Variants in SSBP3 observed in about 807,000 individuals in gnomAD.
SSBP3 encodes single stranded DNA binding protein 3.
SSBP3 carries 5 observed loss-of-function variants against 69.6 expected under a neutral mutation model. The observed-to-expected ratio is 0.07, with a 90% CI of 0.04 to 0.15. The LOEUF (loss-of-function observed/expected upper bound fraction) is 0.15. SSBP3 is among the 10% of genes least tolerant of loss of function. The pLI, the probability that SSBP3 is intolerant of heterozygous loss-of-function variation, is 1.00. For synonymous variants in SSBP3, 196 were observed against 193.4 expected, an observed-to-expected ratio of 1.01 and a Z score of -0.11; for missense variants, 312 against 534.0, an observed-to-expected ratio of 0.58 and a Z score of 4.10.
intron 4 of SSBP3, among the ~76,000 whole-genome samples, chr1:54,400,590 T>C (rs529762978): frequency 6.6e-6 from 1 of 152,340 alleles, no homozygotes; most frequent in South Asian, 2.1e-4. Context: ...CATCAGCTTC[T>C]CTTTTTCAGC....
intron 5 of SSBP3, among the ~76,000 whole-genome samples, chr1:54,263,805 G>A (rs535740593): frequency 8.3e-4 from 126 of 152,282 alleles, no homozygotes; most frequent in African/African-American, 3.0e-3. Context: ...GGCAGCAGGC[G>A]ACCACACTGC....
chr1:54,361,837 T>A (rs765116970), intron 4 of SSBP3, among the ~76,000 whole-genome samples: 1 of 152,148 alleles, frequency 6.6e-6, no homozygotes, highest in Non-Finnish European at 1.5e-5. Flanking sequence ...GGATTCTCAT[T>A]TAATGGCAAA....
chr1:54,251,595 G>A (rs369265213), intron 9 of SSBP3, 21 bp downstream of exon 9: 17 of 1,550,614 alleles, frequency 1.1e-5, no homozygotes, highest in African/African-American at 2.7e-5. Flanking sequence ...GGAGACGGAC[G>A]GACAGACAGG....
At chr1:54,240,848 G>A (rs1644622854) in intron 13 of SSBP3, 57 bp downstream of exon 13, 1 of 1,609,064 alleles carries the variant, frequency 6.2e-7, no homozygotes, top group Non-Finnish European at 8.5e-7. Flanking sequence ...GGTCTCTCTG[G>A]CAACATGCCC....
intron 5 of SSBP3, among the ~76,000 whole-genome samples, chr1:54,262,512 C>T (rs565025427): frequency 2.1e-4 from 32 of 152,328 alleles, no homozygotes; most frequent in Non-Finnish European, 4.3e-4. Flanking sequence ...CAGCCAGCCC[C>T]ATGCTGGGGT....
chr1:54,241,419 T>C, intron 12 of SSBP3, 55 bp downstream of exon 12: 4 of 1,596,962 alleles, frequency 2.5e-6, no homozygotes, highest in Non-Finnish European at 2.6e-6. Context: ...CCAGTTCTCT[T>C]GCACACTCAG....
chr1:54,350,920 G>A (rs747858153), intron 4 of SSBP3, among the ~76,000 whole-genome samples: 1 of 152,002 alleles, frequency 6.6e-6, no homozygotes, highest in Non-Finnish European at 1.5e-5. Context: ...CAACCTCCTG[G>A]ACTCAGCAAT....
chr1:54,363,892 G>A (rs963916958), intron 4 of SSBP3, among the ~76,000 whole-genome samples: 1 of 152,170 alleles, frequency 6.6e-6, no homozygotes, highest in African/African-American at 2.4e-5. Context: ...TGGCTCCCTA[G>A]AGAGGCCTGG....
chr1:54,231,084 A>G (rs1360537515), intron 14 of SSBP3, among the ~76,000 whole-genome samples: 2 of 152,224 alleles, frequency 1.3e-5, no homozygotes, highest in Admixed American at 1.3e-4. Flanking sequence ...CACAGCAGAC[A>G]TCACTAGGCT....
chr1:54,341,803 C>T (rs570141484), intron 4 of SSBP3, among the ~76,000 whole-genome samples: 116 of 151,740 alleles, frequency 7.6e-4, no homozygotes, highest in Middle Eastern at 7.0e-3. Context: ...TAGGAAGTAC[C>T]CTGTAGGCTG....
rs561667747 is a variant in SSBP3, at chr1:54,392,147, C to T, written c.276+9714G>A. Reference sequence around the variant, plus strand: ...TTTCTGTGTGTTCAATGCACTAAGACTATGGCAGCAAACCACAGAGACAAC... The same window carrying T: ...TTTCTGTGTGTTCAATGCACTAAGATTATGGCAGCAAACCACAGAGACAAC... On this transcript the variant is annotated intron_variant, in intron 4 of 17. Coordinates refer to ENST00000610401, the Ensembl canonical transcript of SSBP3. 3.9e-5 allele frequency among the ~76,000 whole-genome samples: 6 copies of T among 152,366 alleles called. No homozygotes were observed. The South Asian group carries it at 1.2e-3, about 32-fold the overall frequency.
exon 1 of SSBP3, chr1:54,406,292 C>G (rs1415078433): frequency 7.4e-6 from 2 of 269,898 alleles, no homozygotes; most frequent in Non-Finnish European, 1.4e-5. Context: ...CCCGCACGGC[C>G]GCCCGCTCTC....
At chr1:54,293,814 T>C (rs931717351) in intron 4 of SSBP3, among the ~76,000 whole-genome samples, 2 of 152,224 alleles carry the variant, frequency 1.3e-5, no homozygotes, top group Non-Finnish European at 2.9e-5. Context: ...TCAGTAAATA[T>C]TTTTTGGATA....
upstream of SSBP3, among the ~76,000 whole-genome samples, chr1:54,408,297 C>G (rs1649904996): frequency 6.6e-6 from 1 of 152,152 alleles, no homozygotes; most frequent in African/African-American, 2.4e-5. Context: ...GAAATAATTA[C>G]AGTTATTTTT....
intron 4 of SSBP3, among the ~76,000 whole-genome samples, chr1:54,369,588 C>T (rs1233068137): frequency 6.6e-6 from 1 of 152,154 alleles, no homozygotes; most frequent in Non-Finnish European, 1.5e-5. Flanking sequence ...GTGAAGAAGT[C>T]CTGCAGTCGT....
At position 54,227,082 on chromosome 1, in the gene SSBP3, T is replaced by C. The variant is rs372110874; in HGVS notation, c.*49A>G. 1.0e-5 allele frequency: 16 copies of C among 1,529,024 alleles called. No homozygotes were observed. In the African/African-American group the frequency reaches 1.9e-4, roughly 19 times the overall value. The allele number at this position is 1,529,024 out of a possible 1,614,324, so 94.7% of individuals were successfully genotyped here. ...CTCACTTCTTGCATAATTTCTGGCA[T>C]CTTCCCGCCTGCAATGCCTGCTCTC... On this transcript the variant is annotated 3_prime_UTR_variant, in exon 18 of 18. Coordinates refer to ENST00000610401, the Ensembl canonical transcript of SSBP3.
At chr1:54,300,605 G>A (rs770303001) in intron 4 of SSBP3, among the ~76,000 whole-genome samples, 9 of 152,222 alleles carry the variant, frequency 5.9e-5, no homozygotes, top group Non-Finnish European at 1.2e-4. Flanking sequence ...GCCGGAGGGT[G>A]GGGCTTCACA....
At chr1:54,305,593 G>T (rs1645884589) in intron 4 of SSBP3, among the ~76,000 whole-genome samples, 1 of 149,574 alleles carries the variant, frequency 6.7e-6, no homozygotes, top group Non-Finnish European at 1.5e-5. Context: ...CTTGAGTTTG[G>T]ATGCCATCAT....
Position 54,241,520 on chromosome 1 carries a change from G to T in SSBP3, c.766-11C>A. 1 of 1,613,870 alleles carries T rather than the reference G, an allele frequency of 6.2e-7. No individual in the cohort carries two copies. The highest frequency in any genetic ancestry group is 8.5e-7 in the Non-Finnish European group (1 of 1,179,942). On this transcript the variant is annotated splice_polypyrimidine_tract_variant and intron_variant, in intron 11 of 17. Transcript: ENST00000610401. ...GGAGGAGTATGGAATCTAAAAACAAGATGTCAGGGAGCCCCACGTCAGAGT... is the reference window on the plus strand; with the variant it reads ...GGAGGAGTATGGAATCTAAAAACAATATGTCAGGGAGCCCCACGTCAGAGT...
Sources: gnomAD v4.1 joint callset for allele counts (sites outside exome capture counted in the v4.1 genomes callset) on GRCh38, gnomAD v4.1.1 for gene constraint, MANE v1.5 for transcripts, NCBI Gene and HGNC (gene_info 2026-07-23, HGNC 2026-07-21) for gene names.